Variants in CDK14 observed in about 807,000 individuals in gnomAD.
CDK14 encodes the protein cyclin-dependent kinase 14.
Under a neutral mutation model 60.7 loss-of-function variants are expected in CDK14, and 34 were observed. The observed-to-expected ratio is 0.56, with a 90% CI of 0.43 to 0.75. The LOEUF (loss-of-function observed/expected upper bound fraction) is 0.75. Among genes scored for constraint, CDK14 ranks in the 30% least tolerant of loss-of-function variants. The probability of loss-of-function intolerance (pLI) is 0.00; values close to 1 mark genes in which losing one functional copy is unlikely to be tolerated. For synonymous variants in CDK14, 197 were observed against 203.7 expected (o/e 0.97, Z 0.28); for missense variants, 482 against 564.1 (o/e 0.85, Z 1.47).
chr7:91,182,725 G>C (rs1200820335), intron 14 of CDK14, among the ~76,000 whole-genome samples: 1 of 152,080 alleles, frequency 6.6e-6, no homozygotes, highest in East Asian at 1.9e-4. Flanking sequence ...TTCCTTTAAG[G>C]ACAGCTGGAG....
At chr7:91,185,493 C>T (rs1455089508) in intron 14 of CDK14, among the ~76,000 whole-genome samples, 1 of 152,032 alleles carries the variant, frequency 6.6e-6, no homozygotes. Context: ...TATAGAACTA[C>T]TTTCCATTAG....
chr7:90,691,305 G>C (rs1476737060), intron 2 of CDK14, among the ~76,000 whole-genome samples: 1 of 97,100 alleles, frequency 1.0e-5, no homozygotes, highest in Non-Finnish European at 2.2e-5. Context: ...TAAGTACTGT[G>C]GAAAAAAAAT....
chr7:90,761,307 G>A (rs947362619), intron 4 of CDK14, among the ~76,000 whole-genome samples: 26 of 150,766 alleles, frequency 1.7e-4, no homozygotes, highest in Admixed American at 1.5e-3. Context: ...TGCCCATCTG[G>A]TGGAAATGGA....
chr7:90,861,288 C>T (rs990340771), intron 5 of CDK14, among the ~76,000 whole-genome samples: 1 of 152,122 alleles, frequency 6.6e-6, no homozygotes, highest in Non-Finnish European at 1.5e-5. Context: ...CTTGAATCTT[C>T]CCACTCATAC....
At chr7:90,818,711 T>A (rs1277753199) in intron 5 of CDK14, among the ~76,000 whole-genome samples, 2 of 152,208 alleles carry the variant, frequency 1.3e-5, no homozygotes, top group Non-Finnish European at 2.9e-5. Context: ...TTGAAATTTA[T>A]GTATGTTATG....
chr7:91,196,376 C>T (rs1267137102), intron 14 of CDK14, among the ~76,000 whole-genome samples: 1 of 152,210 alleles, frequency 6.6e-6, no homozygotes, highest in Non-Finnish European at 1.5e-5. Flanking sequence ...CACTGGAATC[C>T]ATTTTTAATA....
At chr7:90,682,928 G>T (rs1174968813) in intron 2 of CDK14, among the ~76,000 whole-genome samples, 1 of 152,222 alleles carries the variant, frequency 6.6e-6, no homozygotes, top group Non-Finnish European at 1.5e-5. Flanking sequence ...GTGCCCTCAG[G>T]GTTTCACATC....
At chr7:91,009,857 C>T (rs1796098748) in intron 10 of CDK14, among the ~76,000 whole-genome samples, 1 of 151,958 alleles carries the variant, frequency 6.6e-6, no homozygotes. Context: ...CTTGATCTAC[C>T]CCATGGTCAC....
chr7:90,680,101 T>G (rs1433117482), intron 2 of CDK14, among the ~76,000 whole-genome samples: 2 of 152,088 alleles, frequency 1.3e-5, no homozygotes, highest in Non-Finnish European at 1.5e-5. Context: ...TATTTTTCGT[T>G]TGTATGTATA....
At chr7:90,614,297 C>A (rs1332288423) in intron 2 of CDK14, among the ~76,000 whole-genome samples, 1 of 152,116 alleles carries the variant, frequency 6.6e-6, no homozygotes, top group Non-Finnish European at 1.5e-5. Context: ...AAGCCACCGT[C>A]CCCGGCCTAG....
At chr7:90,787,536 G>A (rs1478023225) in intron 4 of CDK14, among the ~76,000 whole-genome samples, 3 of 152,072 alleles carry the variant, frequency 2.0e-5, no homozygotes, top group African/African-American at 4.8e-5. Flanking sequence ...TATTTTGCAG[G>A]TATGATGAGG....
intron 2 of CDK14, among the ~76,000 whole-genome samples, chr7:90,682,115 T>C (rs1801329288): frequency 6.6e-6 from 1 of 152,116 alleles, no homozygotes; most frequent in Non-Finnish European, 1.5e-5. Context: ...TGAGGGTGTA[T>C]TTGAGCCTCA....
chr7:90,658,024 C>CT lies in CDK14; in HGVS notation c.123+53782dup, dbSNP rs1029376128. On this transcript the variant is annotated intron_variant, in intron 2 of 14. Transcript: ENST00000380050. Reference sequence around the variant, plus strand: ...TGGCTCTCAATTTAGATTTGTCTGACTTTTTTTATAATTAGGTTGAGGTTT... The same window carrying CT: ...TGGCTCTCAATTTAGATTTGTCTGACTTTTTTTTATAATTAGGTTGAGGTTT... 2.6e-5 allele frequency among the ~76,000 whole-genome samples: 4 copies of CT among 152,062 alleles called. No homozygotes were observed. In the East Asian group the frequency reaches 5.8e-4, roughly 22 times the overall value.
intron 8 of CDK14, among the ~76,000 whole-genome samples, chr7:90,933,928 A>G (rs576080122): frequency 3.3e-5 from 5 of 152,348 alleles, no homozygotes; most frequent in South Asian, 2.1e-4. Context: ...TTATTTGATT[A>G]TATTTTTTAT....
chr7:91,200,480 GT>G (rs1275588481), intron 14 of CDK14, among the ~76,000 whole-genome samples: 3 of 152,088 alleles, frequency 2.0e-5, no homozygotes, highest in Non-Finnish European at 2.9e-5. Context: ...TTGTAAGTTT[GT>G]TTTTTTCTTT....
chr7:90,675,188 C>T (rs1000720266), intron 2 of CDK14, among the ~76,000 whole-genome samples: 5 of 152,006 alleles, frequency 3.3e-5, no homozygotes, highest in Admixed American at 2.6e-4. Context: ...TTTAACCTTT[C>T]CTATATAGTA....
intron 6 of CDK14, among the ~76,000 whole-genome samples, chr7:90,869,106 A>G (rs1038229602): frequency 1.3e-5 from 2 of 152,194 alleles, no homozygotes; most frequent in East Asian, 3.9e-4. Context: ...TGTGATTTGC[A>G]TGATTTTATG....
In CDK14 at chr7:91,086,660, G is replaced by GGT. The variant is rs149008629; in HGVS notation, c.1154+7203_1154+7204dup. ...AGGTCTTCCTCACTGGGCCCCTGTG[G>GGT]GTGTGTGTGTGTGTGTGTGTGTGTA... On this transcript the variant is annotated intron_variant, in intron 12 of 14. Transcript: ENST00000380050. Among the ~76,000 whole-genome samples, 996 of 149,282 alleles carry GGT rather than the reference G, an allele frequency of 6.7e-3. 8 individuals carry two copies. The highest frequency in any genetic ancestry group is 0.028 in the East Asian group (142 of 5,094).
At chr7:91,023,435 C>G (rs1796486276) in intron 10 of CDK14, among the ~76,000 whole-genome samples, 1 of 152,088 alleles carries the variant, frequency 6.6e-6, no homozygotes, top group Non-Finnish European at 1.5e-5. Flanking sequence ...ATAAGTACTT[C>G]TCAATACTCT....
Sources: allele counts gnomAD v4.1 joint callset (sites outside exome capture counted in the v4.1 genomes callset), GRCh38; gene constraint gnomAD v4.1.1; transcripts MANE v1.5; gene names NCBI Gene and HGNC (gene_info 2026-07-23, HGNC 2026-07-21).